The following TESPA1 variants were observed in gnomAD, a reference collection of about 807,000 sequenced individuals.
TESPA1 encodes protein TESPA1.
Under a neutral mutation model 57.9 loss-of-function variants are expected in TESPA1, and 33 were observed. That is an observed-to-expected ratio of 0.57 (90% confidence interval 0.43 to 0.76). The LOEUF (loss-of-function observed/expected upper bound fraction) is 0.76. TESPA1 is among the 30% of genes least tolerant of loss of function. The pLI is 0.00. For synonymous variants in TESPA1, 227 were observed against 228.9 expected (o/e 0.99, Z 0.07); for missense variants, 618 against 632.9 (o/e 0.98, Z 0.25).
At chr12:54,979,990 C>A (rs1952255158) in intron 1 of TESPA1, among the ~76,000 whole-genome samples, 1 of 152,108 alleles carries the variant, frequency 6.6e-6, no homozygotes, top group Non-Finnish European at 1.5e-5. Context: ...GGTTACCTGA[C>A]CCTCACAGAG....
chr12:54,965,984 C>T, intron 7 of TESPA1, 69 bp downstream of exon 7: 2 of 1,451,536 alleles, frequency 1.4e-6, no homozygotes, highest in Non-Finnish European at 9.5e-7. Context: ...CAGGCAATGG[C>T]TCTTGGTTCC....
intron 10 of TESPA1, among the ~76,000 whole-genome samples, chr12:54,959,996 A>G (rs535198158): frequency 6.6e-6 from 1 of 152,366 alleles, no homozygotes; most frequent in South Asian, 2.1e-4. Context: ...ATTAGAATTA[A>G]AACAGTTAGA....
At chr12:54,978,830 C>T (rs1952218279) in intron 1 of TESPA1, among the ~76,000 whole-genome samples, 1 of 152,208 alleles carries the variant, frequency 6.6e-6, no homozygotes, top group South Asian at 2.1e-4. Context: ...GCAACAAACA[C>T]CCATGCCTGC....
chr12:54,983,507 C>T (rs1367068062), intron 1 of TESPA1, among the ~76,000 whole-genome samples: 3 of 152,102 alleles, frequency 2.0e-5, no homozygotes, highest in Non-Finnish European at 2.9e-5. Flanking sequence ...GTTGAAGGTT[C>T]CTACCTCCAA....
chr12:54,960,212 T>A (rs1054184930), intron 10 of TESPA1, among the ~76,000 whole-genome samples: 1 of 152,216 alleles, frequency 6.6e-6, no homozygotes, highest in African/African-American at 2.4e-5. Context: ...TGCCATTTTC[T>A]TTGTGGTTGT....
chr12:54,984,188 T>C (rs1270409463), intron 1 of TESPA1: 1 of 152,220 alleles, frequency 6.6e-6, no homozygotes, highest in African/African-American at 2.4e-5. Context: ...CCGGGAAACT[T>C]CTTCCTTGAG....
At chr12:54,978,318 G>A (rs940172937) in intron 1 of TESPA1, among the ~76,000 whole-genome samples, 2 of 152,170 alleles carry the variant, frequency 1.3e-5, no homozygotes, top group Admixed American at 1.3e-4. Flanking sequence ...CTTATGGCAT[G>A]TCAGTTAGGC....
chr12:54,963,181 G>A lies in TESPA1; in HGVS notation c.717C>T (p.Ser239=), dbSNP rs1244577263. Residue 239 remains serine, a synonymous_variant, in exon 9 of 11, where the codon TCC becomes TCT. Transcript: ENST00000449076. ...VTADAFFCLY[S]YVSKTPVQKF... Reference sequence around the variant, plus strand: ...TTTGGACAGGTGTCTTAGACACATAGGAGTAGAGACAGAAGAAGGCATCAG... The same window carrying A: ...TTTGGACAGGTGTCTTAGACACATAAGAGTAGAGACAGAAGAAGGCATCAG... 2 of 1,613,762 alleles carry A rather than the reference G, an allele frequency of 1.2e-6. No individual in the cohort carries two copies. Among genetic ancestry groups the A allele is most frequent in the Non-Finnish European group, 1.7e-6 (2 of 1,179,870 alleles).
chr12:54,949,500 T>G lies in TESPA1; in HGVS notation c.*892A>C, dbSNP rs1409230741. The stretch of plus-strand genomic sequence containing the variant: ...TATTAATATTTTCTCAGGGGAGAAA[T>G]GTGTCCAAGATGCTCTGAAACCACA... On this transcript the variant is annotated 3_prime_UTR_variant, in exon 11 of 11. Transcript: ENST00000449076. The G allele has an allele frequency of 6.6e-6, 1 of 152,186 alleles. No individual in the cohort carries two copies. Among genetic ancestry groups the G allele is most frequent in the Non-Finnish European group, 1.5e-5 (1 of 68,004 alleles). The allele number at this position is 152,186 out of a possible 1,614,324, so 9.4% of individuals were successfully genotyped here.
chr12:54,952,186 G>A (rs1228397283), intron 10 of TESPA1, among the ~76,000 whole-genome samples: 1 of 152,198 alleles, frequency 6.6e-6, no homozygotes, highest in Non-Finnish European at 1.5e-5. Context: ...TTTACCATGT[G>A]ATATCCTCTG....
intron 2 of TESPA1, 53 bp downstream of exon 2, chr12:54,974,347 G>T: frequency 6.7e-7 from 1 of 1,496,858 alleles, no homozygotes. Context: ...TGGGCCTGCT[G>T]TCACCTTTTG....
At chr12:54,974,844 C>G (rs1299246396) in intron 1 of TESPA1, among the ~76,000 whole-genome samples, 1 of 152,212 alleles carries the variant, frequency 6.6e-6, no homozygotes, top group Non-Finnish European at 1.5e-5. Flanking sequence ...AAGCTTCAAA[C>G]ATCATGATTT....
chr12:54,974,053 G>A (rs192961810), intron 2 of TESPA1: 7 of 377,288 alleles, frequency 1.9e-5, no homozygotes, highest in Admixed American at 1.1e-4. Context: ...CAGCATTGTG[G>A]CCAGAGTCCA....
intron 1 of TESPA1, among the ~76,000 whole-genome samples, chr12:54,981,484 C>G (rs111952836): frequency 6.6e-6 from 1 of 151,500 alleles, no homozygotes; most frequent in Non-Finnish European, 1.5e-5. Context: ...GACGAGTTAA[C>G]GGGTGCAGCA....
chr12:54,966,127 A>G lies in TESPA1; in HGVS notation c.372T>C (p.Pro124=), dbSNP rs1951413355. ...TACAGCCAAGATCAAGTAGCTGGCA[A>G]GGCCTGGCTGTCTCGAGGAAACTCC... ...FSRSFLETAR[P]CQLLDLGCSL... is the part of the protein sequence containing the mutation. Residue 124 remains proline, a synonymous_variant, in exon 7 of 11, where the codon CCT becomes CCC. Coordinates refer to ENST00000449076, the MANE Select transcript of TESPA1 (RefSeq NM_001136030.3). 6.4e-7 allele frequency: 1 copy of G among 1,572,684 alleles called. No individual in the cohort carries two copies. The highest frequency in any genetic ancestry group is 1.9e-5 in the Admixed American group (1 of 53,988).
At chr12:54,975,354 T>C (rs1222030126) in intron 1 of TESPA1, among the ~76,000 whole-genome samples, 2 of 152,182 alleles carry the variant, frequency 1.3e-5, no homozygotes, top group East Asian at 1.9e-4. Flanking sequence ...TCAATGCAAT[T>C]ACTAATCCTG....
Position 54,967,891 on chromosome 12 carries a change from A to G in TESPA1, c.208T>C (p.Tyr70His), listed in dbSNP as rs557305100. ...TCCTCAGAAAATCCTTCTTCAGAGT[A>G]TCTAAACCAAAAACAGTCTTATAGG... ...KIEDWLQDCG[Y>H]SEEGFSEEAG... Residue 70 changes from tyrosine to histidine, a missense_variant and splice_region_variant, in exon 4 of 11, where the codon TAC becomes CAC. By Grantham distance (83) the Tyr-to-His change is moderately conservative. Around this residue, in one of 3 missense-constraint regions of TESPA1, gnomAD observed 199 missense variants for 184.0 expected, o/e 1.08. Transcript: ENST00000449076. 22 of 1,613,644 alleles carry G rather than the reference A, an allele frequency of 1.4e-5. No homozygotes were observed. The East Asian group carries it at 3.3e-4, about 25-fold the overall frequency.
At chr12:54,961,597 AGAAGAGTTGGTGGACTTAGAGAACAC>A (rs1190276814) in intron 9 of TESPA1, among the ~76,000 whole-genome samples, 16 of 152,220 alleles carry the variant, frequency 1.1e-4, no homozygotes, top group South Asian at 4.1e-4. Context: ...TTAGAGGGTC[AGAAGAGTTGGTGGACTTAGAGAACAC>A]GAAGAGTTGG....
intron 1 of TESPA1, among the ~76,000 whole-genome samples, chr12:54,977,084 G>T (rs1952165344): frequency 6.6e-6 from 1 of 151,374 alleles, no homozygotes; most frequent in Non-Finnish European, 1.5e-5. Flanking sequence ...TTTCTTCTTA[G>T]GTCTTATCAC....
Sources: allele counts gnomAD v4.1 joint callset (sites outside exome capture counted in the v4.1 genomes callset), GRCh38; gene constraint gnomAD v4.1.1; regional missense constraint gnomAD v4.1.1; transcripts MANE v1.5; gene names NCBI Gene and HGNC (gene_info 2026-07-23, HGNC 2026-07-21).